Variants in TAFA5 observed in about 807,000 individuals in gnomAD.
TAFA5 encodes chemokine-like protein TAFA-5.
In TAFA5, 6 loss-of-function variants were observed where a neutral mutation model predicts 15.3. That is an observed-to-expected ratio of 0.39 (90% CI 0.21 to 0.77). The LOEUF is 0.77. Ranked by LOEUF, TAFA5 falls within the 30% of genes least tolerant of loss-of-function variation. The pLI is 0.41. For synonymous variants in TAFA5, 103 were observed against 80.7 expected (o/e 1.28, Z -1.48); for missense variants, 161 against 193.1 (o/e 0.83, Z 0.98).
rs1165181043 is a variant in TAFA5 at position 48,566,162 on chromosome 22, A to T, written c.112+76458A>T. 6.6e-6 allele frequency among the ~76,000 whole-genome samples: 1 copy of T among 150,644 alleles called. No individual in the cohort carries two copies. Among genetic ancestry groups the T allele is most frequent in the Admixed American group, 6.6e-5 (1 of 15,152 alleles). The stretch of plus-strand genomic sequence containing the variant: ...TGGATGATGGGTGGACAATGAATGG[A>T]TGGTGATGGGTGGATGGATGGTGGA... On this transcript the variant is annotated intron_variant, in intron 1 of 3. Transcript: ENST00000402357. This position sits in a 1 kb window ranked among gnomAD's most constrained non-coding sequence, Gnocchi z 4.5.
chr22:48,646,040 G>T (rs577120830), intron 1 of TAFA5, among the ~76,000 whole-genome samples: 2 of 152,182 alleles, frequency 1.3e-5, no homozygotes, highest in Admixed American at 6.5e-5. Flanking sequence ...AGTGGTGCCC[G>T]CCTGCTCGTT....
At position 48,588,834 on chromosome 22, in the gene TAFA5, C is replaced by T. The variant is rs149381879; in HGVS notation, c.113-57763C>T. 9.8e-3 allele frequency among the ~76,000 whole-genome samples: 1,497 copies of T among 152,170 alleles called. 24 individuals are homozygous for T. Among genetic ancestry groups the T allele is most frequent in the African/African-American group, 0.033 (1,353 of 41,506 alleles). On this transcript the variant is annotated intron_variant, in intron 1 of 3. Coordinates refer to ENST00000402357, the MANE Select transcript of TAFA5 (RefSeq NM_001082967.3). ...GTCCCCGAGACCATTCCAACTGGAC[C>T]GCATGGAGCCAACCTGGCCCCCCGT... is the stretch of plus-strand genomic sequence containing the variant.
intron 1 of TAFA5, among the ~76,000 whole-genome samples, chr22:48,630,468 G>A (rs911977051): frequency 1.3e-5 from 2 of 152,288 alleles, no homozygotes; most frequent in African/African-American, 4.8e-5. Context: ...CCTTTGTTGA[G>A]TCGTCAGCGG....
chr22:48,598,729 C>T lies in TAFA5; in HGVS notation c.113-47868C>T, dbSNP rs1924857481. Among the ~76,000 whole-genome samples the T allele has an allele frequency of 6.6e-6, 1 of 152,186 alleles. No individual in the cohort carries two copies. Among genetic ancestry groups the T allele is most frequent in the Admixed American group, 6.5e-5 (1 of 15,286 alleles). On this transcript the variant is annotated intron_variant, in intron 1 of 3. Transcript: ENST00000402357. This position sits in a 1 kb window ranked among gnomAD's most constrained non-coding sequence, Gnocchi z 4.0. ...CCAATTTAATTCGGTTCTCAGACTA[C>T]TCCCCAGAGTTAGCTGAGACCCCAC... is the stretch of plus-strand genomic sequence containing the variant.
intron 1 of TAFA5, among the ~76,000 whole-genome samples, chr22:48,596,949 A>T (rs1924786725): frequency 6.6e-6 from 1 of 152,128 alleles, no homozygotes; most frequent in Non-Finnish European, 1.5e-5. Flanking sequence ...CTGGGATCAC[A>T]GGTGTGCACC....
chr22:48,582,916 A>C (rs1399712394), intron 1 of TAFA5, among the ~76,000 whole-genome samples: 1 of 149,036 alleles, frequency 6.7e-6, no homozygotes, highest in East Asian at 2.0e-4. Context: ...CACAAAATAC[A>C]CCACACACGC....
chr22:48,563,584 C>T (rs773380031), intron 1 of TAFA5, among the ~76,000 whole-genome samples: 22 of 152,328 alleles, frequency 1.4e-4, no homozygotes, highest in Non-Finnish European at 1.8e-4. Flanking sequence ...TTGCTGCTGC[C>T]GGGCAGGCAT....
chr22:48,678,359 G>A (rs1187687771), intron 2 of TAFA5, among the ~76,000 whole-genome samples: 2 of 152,192 alleles, frequency 1.3e-5, no homozygotes, highest in Admixed American at 6.5e-5. Flanking sequence ...AGCCACCCTC[G>A]GAGAACTGAC....
intron 1 of TAFA5, among the ~76,000 whole-genome samples, chr22:48,513,454 C>CT (rs1921296606): frequency 6.6e-6 from 1 of 152,138 alleles, no homozygotes; most frequent in Admixed American, 6.5e-5. Flanking sequence ...ATGGGCGGCT[C>CT]TAAGAGCCCC....
At chr22:48,692,947 C>T (rs911027077) in intron 2 of TAFA5, among the ~76,000 whole-genome samples, 26 of 152,348 alleles carry the variant, frequency 1.7e-4, no homozygotes, top group Non-Finnish European at 2.9e-4. Flanking sequence ...GGAAGGGCAT[C>T]GGCGGCGCCT....
In TAFA5 at chr22:48,530,184, C is replaced by T. The variant is rs1317691069; in HGVS notation, c.112+40480C>T. 6.6e-6 allele frequency among the ~76,000 whole-genome samples: 1 copy of T among 152,142 alleles called. No individual in the cohort carries two copies. Among genetic ancestry groups the T allele is most frequent in the African/African-American group, 2.4e-5 (1 of 41,422 alleles). Reference sequence around the variant, plus strand: ...CTCGAGGAGGAGGAGGCTGGGCCTGCATCACCTCCATTTTTGCATGCATGA... The same window carrying T: ...CTCGAGGAGGAGGAGGCTGGGCCTGTATCACCTCCATTTTTGCATGCATGA... On this transcript the variant is annotated intron_variant, in intron 1 of 3. Coordinates refer to ENST00000402357, the MANE Select transcript of TAFA5 (RefSeq NM_001082967.3). This position sits in a 1 kb window ranked among gnomAD's most constrained non-coding sequence, Gnocchi z 6.0.
rs921730048 is a variant in TAFA5 at position 48,600,258 on chromosome 22, G to A, written c.113-46339G>A. 2.6e-5 allele frequency among the ~76,000 whole-genome samples: 4 copies of A among 152,202 alleles called. No homozygotes were observed. In the South Asian group the frequency reaches 6.2e-4, roughly 24 times the overall value. ...GGTGAAGGGAAATGGGGGAGTGGAC[G>A]AGGGGCGTCCCCGGGGAGGATGGCG... is the stretch of plus-strand genomic sequence containing the variant. On this transcript the variant is annotated intron_variant, in intron 1 of 3. Coordinates refer to ENST00000402357, the MANE Select transcript of TAFA5 (RefSeq NM_001082967.3).
intron 1 of TAFA5, among the ~76,000 whole-genome samples, chr22:48,644,082 G>A (rs1601638615): frequency 6.6e-6 from 1 of 152,186 alleles, no homozygotes. Context: ...TCATCCTCCC[G>A]GATGCTCTTT....
chr22:48,651,213 A>G (rs1361298368), intron 2 of TAFA5, among the ~76,000 whole-genome samples: 1 of 152,088 alleles, frequency 6.6e-6, no homozygotes, highest in African/African-American at 2.4e-5. Context: ...GAGCTGAGCC[A>G]GAGGGGTGAA....
At chr22:48,518,317 G>T (rs1232233232) in intron 1 of TAFA5, among the ~76,000 whole-genome samples, 1 of 152,172 alleles carries the variant, frequency 6.6e-6, no homozygotes, top group Non-Finnish European at 1.5e-5. Flanking sequence ...GGAGAATAAG[G>T]CGCTCTGCCC....
intron 1 of TAFA5, among the ~76,000 whole-genome samples, chr22:48,628,094 C>T (rs926552353): frequency 2.6e-5 from 4 of 152,302 alleles, no homozygotes; most frequent in Non-Finnish European, 4.4e-5. Flanking sequence ...GTGACTCTGC[C>T]GGCTCTGTGA....
At chr22:48,529,778 A>G (rs1399154901) in intron 1 of TAFA5, among the ~76,000 whole-genome samples, 2 of 151,898 alleles carry the variant, frequency 1.3e-5, no homozygotes, top group Non-Finnish European at 2.9e-5. Context: ...GGGTGTGTGG[A>G]CGGGGAGGGT....
chr22:48,677,722 C>T (rs1928020647), intron 2 of TAFA5, among the ~76,000 whole-genome samples: 1 of 152,134 alleles, frequency 6.6e-6, no homozygotes, highest in Non-Finnish European at 1.5e-5. Flanking sequence ...GAGGAAGAAA[C>T]TGAAGAAAAA....
At chr22:48,621,806 A>G (rs139108846) in intron 1 of TAFA5, among the ~76,000 whole-genome samples, 1 of 152,184 alleles carries the variant, frequency 6.6e-6, no homozygotes, top group Non-Finnish European at 1.5e-5. Flanking sequence ...AGGCCCTGTG[A>G]TGCTGAGAGC....
Sources: allele counts gnomAD v4.1 joint callset (sites outside exome capture counted in the v4.1 genomes callset), GRCh38; gene constraint gnomAD v4.1.1; non-coding constraint Gnocchi (gnomAD v3.1); transcripts MANE v1.5; gene names NCBI Gene and HGNC (gene_info 2026-07-23, HGNC 2026-07-21).